CCDC33: variants seen among roughly 807,000 people sequenced by gnomAD.
CCDC33 encodes coiled-coil domain containing 33.
In CCDC33, 94 loss-of-function variants were observed where a neutral mutation model predicts 91.9. The ratio of observed to expected loss-of-function variants is 1.02; its 90% confidence interval spans 0.87 to 1.21. The LOEUF is 1.21. Ranked by LOEUF, CCDC33 falls within the 50% of genes most tolerant of loss-of-function variation. CCDC33 has a pLI of 0.00. For missense variants in CCDC33, 940 were observed against 935.5 expected, an observed-to-expected ratio of 1.00 and a Z score of -0.06; for synonymous variants, 396 against 374.5, an observed-to-expected ratio of 1.06 and a Z score of -0.66.
At chr15:74,331,347 G>C in intron 15 of CCDC33, 51 bp downstream of exon 15, 1 of 1,578,924 alleles carries the variant, frequency 6.3e-7, no homozygotes, top group Non-Finnish European at 8.7e-7. Context: ...CTCCACCCCT[G>C]GAGGCCCTGC....
upstream of CCDC33, among the ~76,000 whole-genome samples, chr15:74,215,754 C>T (rs757134287): frequency 8.6e-5 from 13 of 151,744 alleles, no homozygotes; most frequent in African/African-American, 2.7e-4. Flanking sequence ...CCTGTAATCC[C>T]GGCTACTGAA....
intron 10 of CCDC33, among the ~76,000 whole-genome samples, chr15:74,286,382 C>G (rs977240390): frequency 6.6e-6 from 1 of 152,146 alleles, no homozygotes; most frequent in Non-Finnish European, 1.5e-5. Flanking sequence ...GATGTGGTCT[C>G]TGGGGAGTCT....
In CCDC33 at chr15:74,249,512, CAACTT is replaced by C. The variant is rs1293745968; in HGVS notation, c.185+5365_185+5369del. Among the ~76,000 whole-genome samples the C allele has an allele frequency of 2.6e-5, 4 of 151,994 alleles. No individual in the cohort carries two copies. The East Asian group carries it at 7.7e-4, about 29-fold the overall frequency. On this transcript the variant is annotated intron_variant, in intron 2 of 18. Transcript: ENST00000398814. ...AAAAAAAATAATAAAAAAATAAAAA[CAACTT>C]GAATAGCCCCTGAGCTAACTAGGAT... is the stretch of plus-strand genomic sequence containing the variant.
chr15:74,280,561 G>A, intron 8 of CCDC33, 107 bp from the exon 9 acceptor site: 2 of 1,309,658 alleles, frequency 1.5e-6, no homozygotes, highest in South Asian at 3.6e-5. Context: ...AAGGCCAGGA[G>A]GCAGGAAAGC....
intron 11 of CCDC33, among the ~76,000 whole-genome samples, chr15:74,306,605 G>C (rs887466214): frequency 2.0e-5 from 3 of 152,184 alleles, no homozygotes; most frequent in Non-Finnish European, 2.9e-5. Flanking sequence ...GGGCCCCAGG[G>C]CTAGTCCCTT....
exon 1 of CCDC33, chr15:74,203,018 G>T (rs2074157179): frequency 4.1e-6 from 4 of 985,914 alleles, no homozygotes; most frequent in Admixed American, 1.2e-4. Flanking sequence ...TTCAGCGCCT[G>T]CCCCAGAGCT....
In CCDC33 at chr15:74,307,738, G is replaced by GC. The variant is rs2059916540; in HGVS notation, c.1290+11790_1290+11791insC. ...CTACATACCATATGTCCAAACCCCA[G>GC]TAATCAAAATATAAATCAAGCAGAA... On this transcript the variant is annotated intron_variant, in intron 11 of 18. Transcript: ENST00000398814. Among the ~76,000 whole-genome samples, 3 of 656 alleles carry GC rather than the reference G, an allele frequency of 4.6e-3. No individual in the cohort carries two copies. In the South Asian group the frequency reaches 0.5, roughly 109 times the overall value. 0.4% of individuals were successfully genotyped at this position (656 alleles called of 152,430 possible).
At chr15:74,249,966 TA>T (rs1038918332) in intron 2 of CCDC33, among the ~76,000 whole-genome samples, 25 of 152,192 alleles carry the variant, frequency 1.6e-4, no homozygotes, top group African/African-American at 5.8e-4. Context: ...TACCTGACCT[TA>T]AATGTTAGCC....
chr15:74,300,724 G>C (rs1380987173), intron 11 of CCDC33: 1 of 152,314 alleles, frequency 6.6e-6, no homozygotes, highest in Non-Finnish European at 1.5e-5. Context: ...GAATAGATGA[G>C]AGTGGAGAAG....
chr15:74,223,996 A>G (rs959731888), intron 2 of CCDC33, among the ~76,000 whole-genome samples: 4 of 152,148 alleles, frequency 2.6e-5, no homozygotes, highest in African/African-American at 9.7e-5. Context: ...ACTCTGCCCC[A>G]GGCAGCTGAG....
At chr15:74,285,881 C>T (rs1449387165) in intron 10 of CCDC33, among the ~76,000 whole-genome samples, 3 of 152,184 alleles carry the variant, frequency 2.0e-5, no homozygotes, top group Admixed American at 6.5e-5. Flanking sequence ...TATACAAAAA[C>T]ACATACACAG....
At chr15:74,263,185 T>G (rs537333645) in intron 3 of CCDC33, among the ~76,000 whole-genome samples, 96 of 152,354 alleles carry the variant, frequency 6.3e-4, no homozygotes, top group Non-Finnish European at 2.9e-4. Flanking sequence ...TGCACACTTA[T>G]ATTTACTTTC....
chr15:74,318,698 T>G (rs550333293), intron 11 of CCDC33: 2 of 740,096 alleles, frequency 2.7e-6, no homozygotes, highest in South Asian at 2.9e-5. Flanking sequence ...GGAAGATGGG[T>G]TGGCTCGCCT....
intron 2 of CCDC33, chr15:74,221,243 T>TTTTAA: frequency 6.7e-6 from 4 of 594,082 alleles, no homozygotes; most frequent in African/African-American, 2.5e-5. Flanking sequence ...TTTTTTTTTT[T>TTTTAA]CACCAGAACT....
At chr15:74,269,365 C>T (rs554009962) in intron 5 of CCDC33, among the ~76,000 whole-genome samples, 9 of 152,302 alleles carry the variant, frequency 5.9e-5, no homozygotes, top group African/African-American at 2.2e-4. Context: ...ATTCTTTTGC[C>T]TTCTTTCACA....
chr15:74,251,934 G>A (rs2075722431), intron 2 of CCDC33, among the ~76,000 whole-genome samples: 1 of 152,184 alleles, frequency 6.6e-6, no homozygotes, highest in African/African-American at 2.4e-5. Flanking sequence ...AGCTAGGAGT[G>A]TATTGTGTGT....
At chr15:74,269,511 T>C (rs1289620374) in intron 5 of CCDC33, among the ~76,000 whole-genome samples, 1 of 152,156 alleles carries the variant, frequency 6.6e-6, no homozygotes, top group Non-Finnish European at 1.5e-5. Context: ...CGCCACCTTC[T>C]ATCACGCCCT....
intron 17 of CCDC33, among the ~76,000 whole-genome samples, chr15:74,334,245 G>T (rs1166514676): frequency 6.6e-6 from 1 of 151,958 alleles, no homozygotes; most frequent in Non-Finnish European, 1.5e-5. Context: ...CAGGGTCAGG[G>T]TTCAGTGTAC....
intron 1 of CCDC33, among the ~76,000 whole-genome samples, chr15:74,241,759 G>A (rs1420106771): frequency 1.3e-5 from 2 of 152,250 alleles, no homozygotes; most frequent in Non-Finnish European, 2.9e-5. Flanking sequence ...TGAGGATGCT[G>A]AGAAGGGTCA....
Sources: allele counts gnomAD v4.1 joint callset (sites outside exome capture counted in the v4.1 genomes callset), GRCh38; gene constraint gnomAD v4.1.1; transcripts MANE v1.5; gene names NCBI Gene and HGNC (gene_info 2026-07-23, HGNC 2026-07-21).